Variants in CYP2C19 observed in about 807,000 individuals in gnomAD.
CYP2C19 encodes the protein cytochrome P450 family 2 subfamily C member 19.
In CYP2C19, 59 loss-of-function variants were observed where a neutral mutation model predicts 40.9. That is an observed-to-expected ratio of 1.44 (90% CI 1.17 to 1.79). CYP2C19 has a LOEUF of 1.79. CYP2C19 is among the 40% of genes most tolerant of loss of function. The pLI, the probability that CYP2C19 is intolerant of heterozygous loss-of-function variation, is 0.00. For missense variants in CYP2C19, 754 were observed against 596.9 expected, an observed-to-expected ratio of 1.26 and a Z score of -2.74; for synonymous variants, 253 against 208.7, an observed-to-expected ratio of 1.21 and a Z score of -1.83.
At chr10:94,816,075 A>G (rs1468064123) in intron 5 of CYP2C19, among the ~76,000 whole-genome samples, 1 of 150,604 alleles carries the variant, frequency 6.6e-6, no homozygotes, top group Non-Finnish European at 1.5e-5. Context: ...GTGGATCTAG[A>G]GATCTTCTGC....
chr10:94,765,521 T>C (rs1293087562), intron 1 of CYP2C19, among the ~76,000 whole-genome samples: 1 of 152,106 alleles, frequency 6.6e-6, no homozygotes. Context: ...AAAGGGGTGT[T>C]GGGAGCAAAC....
Position 94,842,827 on chromosome 10 carries a change from G to A in CYP2C19, c.962-10G>A. 6.2e-7 allele frequency: 1 copy of A among 1,613,982 alleles called. No homozygotes were observed. Among genetic ancestry groups the A allele is most frequent in the Non-Finnish European group, 8.5e-7 (1 of 1,179,908 alleles). Reference sequence around the variant, plus strand: ...TCCTTTTCCATCAGTTCTTACTTGTGTCTTGTCAGCTAAAGTCCAGGAAGA... The same window carrying A: ...TCCTTTTCCATCAGTTCTTACTTGTATCTTGTCAGCTAAAGTCCAGGAAGA... On this transcript the variant is annotated splice_polypyrimidine_tract_variant and intron_variant, in intron 6 of 8. Coordinates refer to ENST00000371321, the MANE Select transcript of CYP2C19 (RefSeq NM_000769.4).
At chr10:94,829,211 G>T (rs1054358337) in intron 6 of CYP2C19, among the ~76,000 whole-genome samples, 2 of 152,152 alleles carry the variant, frequency 1.3e-5, no homozygotes, top group African/African-American at 4.8e-5. Context: ...ACGTTGGCCT[G>T]CCGTGCTAGA....
chr10:94,852,848 A>G lies in CYP2C19; in HGVS notation c.1407A>G (p.Thr469=), dbSNP rs1325553977. 6.2e-7 allele frequency: 1 copy of G among 1,614,022 alleles called. No individual in the cohort carries two copies. Among genetic ancestry groups the G allele is most frequent in the South Asian group, 1.1e-5 (1 of 91,082 alleles). The change falls in exon 9 of 9, where the codon ACA becomes ACG. Residue 469 remains threonine (T), a synonymous_variant. Coordinates refer to ENST00000371321, the MANE Select transcript of CYP2C19 (RefSeq NM_000769.4). ...KSLIDPKDLD[T]TPVVNGFASV... is the part of the protein sequence containing the mutation. ...TGATTGACCCAAAGGACCTTGACACAACTCCTGTTGTCAATGGATTTGCTT... is the reference window on the plus strand; with the variant it reads ...TGATTGACCCAAAGGACCTTGACACGACTCCTGTTGTCAATGGATTTGCTT...
intron 5 of CYP2C19, among the ~76,000 whole-genome samples, chr10:94,783,003 A>C (rs1848498810): frequency 6.6e-6 from 1 of 152,066 alleles, no homozygotes; most frequent in Non-Finnish European, 1.5e-5. Context: ...AGAAATACCT[A>C]ATGTAGATGA....
In CYP2C19 at chr10:94,854,040, T is replaced by C. The variant is rs1213932880; in HGVS notation, c.*1126T>C. ...TTTCTTTTTTCTTTTTTTTTTGAAA[T>C]GGAGTCCCACTTTTGTTCCCCAGGC... On this transcript the variant is annotated 3_prime_UTR_variant, in exon 9 of 9. Transcript: ENST00000371321. Among the ~76,000 whole-genome samples the C allele has an allele frequency of 6.6e-6, 1 of 151,296 alleles. No homozygotes were observed.
At chr10:94,781,155 G>T (rs1039932414) in intron 4 of CYP2C19, among the ~76,000 whole-genome samples, 6 of 152,176 alleles carry the variant, frequency 3.9e-5, no homozygotes, top group Non-Finnish European at 8.8e-5. Flanking sequence ...TGATGTCTCA[G>T]TTGGGATTCT....
intron 1 of CYP2C19, among the ~76,000 whole-genome samples, chr10:94,767,291 G>T (rs1398037719): frequency 6.6e-6 from 1 of 152,144 alleles, no homozygotes; most frequent in East Asian, 1.9e-4. Context: ...CTGTGAAGGT[G>T]ATATTGTATC....
intron 6 of CYP2C19, among the ~76,000 whole-genome samples, chr10:94,838,507 T>G (rs922167497): frequency 6.6e-6 from 1 of 152,168 alleles, no homozygotes; most frequent in Non-Finnish European, 1.5e-5. Context: ...TTGCTTTAAG[T>G]CTGAGAGAGA....
chr10:94,844,678 G>A (rs973724471), intron 7 of CYP2C19, among the ~76,000 whole-genome samples: 1 of 152,134 alleles, frequency 6.6e-6, no homozygotes, highest in Admixed American at 6.6e-5. Context: ...AATTTACCAA[G>A]AGATTATGGG....
intron 6 of CYP2C19, among the ~76,000 whole-genome samples, chr10:94,831,839 T>A (rs1350175263): frequency 1.3e-5 from 2 of 152,186 alleles, no homozygotes; most frequent in Non-Finnish European, 2.9e-5. Context: ...TATATTTTTC[T>A]CCATTCTGTA....
At chr10:94,782,387 A>G (rs530474432) in intron 5 of CYP2C19, among the ~76,000 whole-genome samples, 28 of 152,262 alleles carry the variant, frequency 1.8e-4, no homozygotes, top group African/African-American at 6.7e-4. Context: ...CATTGGAGAA[A>G]TGCAAATAAA....
intron 5 of CYP2C19, among the ~76,000 whole-genome samples, chr10:94,820,135 A>G (rs138747507): frequency 3.9e-4 from 60 of 152,062 alleles, no homozygotes; most frequent in Non-Finnish European, 6.9e-4. Flanking sequence ...GCCAAAGACA[A>G]AAACCACATC....
intron 1 of CYP2C19, among the ~76,000 whole-genome samples, chr10:94,764,950 A>T (rs1021672141): frequency 2.6e-5 from 4 of 152,108 alleles, no homozygotes; most frequent in African/African-American, 9.7e-5. Context: ...GTGGCATCTC[A>T]TACTATTCCT....
intron 5 of CYP2C19, among the ~76,000 whole-genome samples, chr10:94,818,841 G>A (rs1447558551): frequency 6.6e-6 from 1 of 151,666 alleles, no homozygotes; most frequent in Non-Finnish European, 1.5e-5. Flanking sequence ...TGCAAACAGG[G>A]ACAATTTGAC....
chr10:94,781,106 C>T (rs1848473663), intron 4 of CYP2C19, among the ~76,000 whole-genome samples: 1 of 152,150 alleles, frequency 6.6e-6, no homozygotes, highest in Non-Finnish European at 1.5e-5. Context: ...TTTGGAACCA[C>T]AGAAGCTGCC....
intron 6 of CYP2C19, among the ~76,000 whole-genome samples, chr10:94,823,982 G>C: frequency 6.6e-6 from 1 of 152,168 alleles, no homozygotes. Flanking sequence ...GCAAGAACAA[G>C]AGATGTGACA....
At chr10:94,798,539 A>G (rs1177818762) in intron 5 of CYP2C19, among the ~76,000 whole-genome samples, 2 of 152,056 alleles carry the variant, frequency 1.3e-5, no homozygotes, top group African/African-American at 4.8e-5. Flanking sequence ...CAAGATCTGG[A>G]TATCTTTGTT....
At chr10:94,828,037 C>A (rs1424498963) in intron 6 of CYP2C19, among the ~76,000 whole-genome samples, 5 of 151,584 alleles carry the variant, frequency 3.3e-5, no homozygotes, top group Admixed American at 6.6e-5. Context: ...GACAGTTTGC[C>A]ATAATTTCTG....
Sources: allele counts gnomAD v4.1 joint callset (sites outside exome capture counted in the v4.1 genomes callset), GRCh38; gene constraint gnomAD v4.1.1; transcripts MANE v1.5; gene names NCBI Gene and HGNC (gene_info 2026-07-23, HGNC 2026-07-21).